Variants in LIPI observed in about 807,000 individuals in gnomAD.
The protein encoded by LIPI is lipase I.
A neutral mutation model predicts 50.6 loss-of-function variants in LIPI; 59 were observed. The observed-to-expected ratio is 1.16, with a 90% confidence interval of 0.94 to 1.45. The LOEUF is 1.45. Among genes scored for constraint, LIPI ranks in the 40% most tolerant of loss-of-function variants. The probability of loss-of-function intolerance (pLI) is 0.00; values close to 1 mark genes in which losing one functional copy is unlikely to be tolerated. For missense variants in LIPI, 586 were observed against 536.3 expected (o/e 1.09, Z -0.92); for synonymous variants, 203 against 178.2 (o/e 1.14, Z -1.11).
chr21:14,131,407 A>G (rs1263020207), intron 9 of LIPI, among the ~76,000 whole-genome samples: 1 of 152,136 alleles, frequency 6.6e-6, no homozygotes, highest in Non-Finnish European at 1.5e-5. Context: ...CACAACATCA[A>G]CTAATAACTA....
chr21:14,148,120 A>G (rs780069191), intron 8 of LIPI, among the ~76,000 whole-genome samples: 4 of 152,168 alleles, frequency 2.6e-5, no homozygotes, highest in Non-Finnish European at 5.9e-5. Context: ...CAGGATGCAG[A>G]ACACATTTCA....
intron 7 of LIPI, among the ~76,000 whole-genome samples, chr21:14,158,256 T>C (rs2018341072): frequency 1.3e-5 from 2 of 151,874 alleles, no homozygotes; most frequent in Admixed American, 1.3e-4. Context: ...GAGTTTGATT[T>C]CTAGCCATAA....
rs182115718 is a variant in LIPI at position 14,201,821 on chromosome 21, G to A, written c.46+8979C>T. Among the ~76,000 whole-genome samples, 153 of 152,258 alleles carry A rather than the reference G, an allele frequency of 1.0e-3. 1 individual carries two copies. Among genetic ancestry groups the A allele is most frequent in the Admixed American group, 9.3e-3 (142 of 15,282 alleles). On this transcript the variant is annotated intron_variant, in intron 1 of 9. Transcript: ENST00000681601. ...CACCAATCCTATTCAACATAGTGTT[G>A]GAAGTTCTGGCCAGGGCAATCAGGC...
intron 9 of LIPI, among the ~76,000 whole-genome samples, chr21:14,122,588 C>T (rs2016905342): frequency 6.6e-6 from 1 of 152,170 alleles, no homozygotes; most frequent in Non-Finnish European, 1.5e-5. Context: ...CTGCTAAGAT[C>T]ATAATAGAAG....
intron 9 of LIPI, among the ~76,000 whole-genome samples, chr21:14,109,378 A>G (rs1286142158): frequency 6.6e-6 from 1 of 152,122 alleles, no homozygotes; most frequent in Non-Finnish European, 1.5e-5. Flanking sequence ...TACAGTTGAA[A>G]CTTGAACTCA....
intron 3 of LIPI, among the ~76,000 whole-genome samples, chr21:14,184,300 G>T (rs1260684566): frequency 6.6e-6 from 1 of 152,048 alleles, no homozygotes; most frequent in Non-Finnish European, 1.5e-5. Flanking sequence ...CACAGGAAGG[G>T]GAACATCACA....
chr21:14,110,520 T>C (rs1219455610), intron 9 of LIPI, among the ~76,000 whole-genome samples: 1 of 151,962 alleles, frequency 6.6e-6, no homozygotes, highest in Admixed American at 6.6e-5. Context: ...TTCAGGAATA[T>C]AATATTTTGT....
chr21:14,132,072 C>T (rs2017317775), intron 9 of LIPI, among the ~76,000 whole-genome samples: 1 of 152,130 alleles, frequency 6.6e-6, no homozygotes, highest in South Asian at 2.1e-4. Flanking sequence ...TCTTTTACTA[C>T]ATGAAGTGAC....
chr21:14,120,263 C>T (rs1044866642), intron 9 of LIPI, among the ~76,000 whole-genome samples: 5 of 152,180 alleles, frequency 3.3e-5, no homozygotes, highest in South Asian at 2.1e-4. Flanking sequence ...ACATTAAGCT[C>T]GGTGGCCAAG....
chr21:14,132,867 A>G (rs2017347705), intron 9 of LIPI, among the ~76,000 whole-genome samples: 1 of 152,230 alleles, frequency 6.6e-6, no homozygotes, highest in Non-Finnish European at 1.5e-5. Flanking sequence ...ACTATTATTA[A>G]CAACTATGTG....
At chr21:14,207,011 G>C (rs1298017896) in intron 1 of LIPI, 2 of 919,358 alleles carry the variant, frequency 2.2e-6, no homozygotes, top group Non-Finnish European at 3.6e-6. Context: ...AGAATTCCAA[G>C]TACGAAACAA....
intron 9 of LIPI, among the ~76,000 whole-genome samples, chr21:14,122,601 C>A (rs1254494692): frequency 1.3e-5 from 2 of 152,132 alleles, no homozygotes; most frequent in Non-Finnish European, 2.9e-5. Flanking sequence ...AATAGAAGAA[C>A]CAGAAGAAGA....
rs545905838 is a variant in LIPI, at chr21:14,187,812, A to G, written c.432+1222T>C. ...GATTAAGCACATATATATTAATTCA[A>G]TATTCATATAAATATTTTTGTAACA... is the stretch of plus-strand genomic sequence containing the variant. On this transcript the variant is annotated intron_variant, in intron 2 of 9. Coordinates refer to ENST00000681601, the MANE Select transcript of LIPI (RefSeq NM_001302998.2). 2.1e-3 allele frequency among the ~76,000 whole-genome samples: 320 copies of G among 152,312 alleles called. 1 individual carries two copies. The highest frequency in any genetic ancestry group is 3.7e-3 in the Non-Finnish European group (250 of 68,016).
Position 14,135,783 on chromosome 21 carries a change from C to CCT in LIPI, c.1295+8839_1295+8840insAG, listed in dbSNP as rs200068124. 6.3e-3 allele frequency among the ~76,000 whole-genome samples: 952 copies of CCT among 152,126 alleles called. 14 individuals are homozygous for CCT. Among genetic ancestry groups the CCT allele is most frequent in the African/African-American group, 0.022 (921 of 41,494 alleles). ...CCTAGGGCTGAACTAGGCCCAGAGGCAATAGATTGAGGGGCCATGTCACAT... is the reference window on the plus strand; with the variant it reads ...CCTAGGGCTGAACTAGGCCCAGAGGCCTAATAGATTGAGGGGCCATGTCACAT... On this transcript the variant is annotated intron_variant, in intron 9 of 9. Coordinates refer to ENST00000681601, the MANE Select transcript of LIPI (RefSeq NM_001302998.2).
At chr21:14,162,600 C>T (rs1394842198) in intron 7 of LIPI, among the ~76,000 whole-genome samples, 1 of 151,806 alleles carries the variant, frequency 6.6e-6, no homozygotes, top group Non-Finnish European at 1.5e-5. Context: ...TTTCTTACTT[C>T]TACATGTAAA....
At chr21:14,152,741 T>A (rs2018143023) in intron 7 of LIPI, 57 bp from the exon 8 acceptor site, 1 of 828,578 alleles carries the variant, frequency 1.2e-6, no homozygotes, top group South Asian at 1.5e-5. Context: ...TTGGTTTTGG[T>A]ACATATTCAG....
Position 14,165,304 on chromosome 21 carries a change from G to C in LIPI, c.820C>G (p.Pro274Ala). ...TTGTAATCTTTGTATGAACGACAAG[G>C]AAATGAAATAAAATTGCAGTTTGTT... is the stretch of plus-strand genomic sequence containing the variant. ...LETNCNFISF[P>A]CRSYKDYKTS... The change falls in exon 6 of 10, where the codon CCT becomes GCT. Residue 274 changes from proline to alanine, a missense_variant. Pro to Ala is a conservative substitution (Grantham distance 27). Transcript: ENST00000681601. 1.9e-6 allele frequency: 3 copies of C among 1,611,990 alleles called. No homozygotes were observed. The highest frequency in any genetic ancestry group is 2.5e-6 in the Non-Finnish European group (3 of 1,178,432).
rs143103414 is a variant in LIPI, at chr21:14,199,496, G to C, written c.47-10077C>G. 3.6e-4 allele frequency among the ~76,000 whole-genome samples: 54 copies of C among 151,620 alleles called. No individual in the cohort carries two copies. In the East Asian group the frequency reaches 9.3e-3, roughly 26 times the overall value. On this transcript the variant is annotated intron_variant, in intron 1 of 9. Transcript: ENST00000681601. ...TCAACCAGAAAATCTAGAAGAAATT[G>C]ATAAATTCCTGGACAAATACATCCT...
intron 6 of LIPI, among the ~76,000 whole-genome samples, chr21:14,164,607 C>G (rs946374248): frequency 1.3e-5 from 2 of 152,142 alleles, no homozygotes; most frequent in African/African-American, 4.8e-5. Flanking sequence ...GGATCTGGTG[C>G]TCTTTTTGAA....
Sources: gnomAD v4.1 joint callset for allele counts (sites outside exome capture counted in the v4.1 genomes callset) on GRCh38, gnomAD v4.1.1 for gene constraint, MANE v1.5 for transcripts, NCBI Gene and HGNC (gene_info 2026-07-23, HGNC 2026-07-21) for gene names.